HIBADH: variants seen among roughly 807,000 people sequenced by gnomAD.
HIBADH encodes the protein 3-hydroxyisobutyrate dehydrogenase.
In HIBADH, 25 loss-of-function variants were observed where a neutral mutation model predicts 36.1. That is an observed-to-expected ratio of 0.69 (90% CI 0.50 to 0.97). The LOEUF is 0.97. Ranked by LOEUF, HIBADH falls within the 50% of genes least tolerant of loss-of-function variation. The pLI, the probability that HIBADH is intolerant of heterozygous loss-of-function variation, is 0.00. For missense variants in HIBADH, 421 were observed against 418.0 expected (o/e 1.01, Z -0.06); for synonymous variants, 160 against 149.5 (o/e 1.07, Z -0.51).
At chr7:27,618,378 G>A (rs577830802) in intron 4 of HIBADH, among the ~76,000 whole-genome samples, 54 of 152,358 alleles carry the variant, frequency 3.5e-4, no homozygotes, top group Admixed American at 1.5e-3. Flanking sequence ...GTAGCAACAT[G>A]TCTGGGGCTG....
At chr7:27,541,806 A>G (rs1013389766) in intron 5 of HIBADH, 7 of 397,028 alleles carry the variant, frequency 1.8e-5, no homozygotes, top group African/African-American at 1.5e-4. Context: ...AATTTTTACT[A>G]TGATACACAA....
chr7:27,527,924 T>C (rs1421857490), intron 7 of HIBADH, among the ~76,000 whole-genome samples: 1 of 121,062 alleles, frequency 8.3e-6, no homozygotes, highest in Non-Finnish European at 1.7e-5. Context: ...CAGCGTTTTT[T>C]TTTTTTTTTT....
At chr7:27,609,682 G>T (rs1454541169) in intron 4 of HIBADH, among the ~76,000 whole-genome samples, 1 of 152,008 alleles carries the variant, frequency 6.6e-6, no homozygotes, top group African/African-American at 2.4e-5. Flanking sequence ...TCAGACCAAG[G>T]AAAGTCTTAT....
chr7:27,569,312 A>G (rs1220541814), intron 4 of HIBADH, among the ~76,000 whole-genome samples: 1 of 152,096 alleles, frequency 6.6e-6, no homozygotes, highest in African/African-American at 2.4e-5. Context: ...CAGGGTTGGT[A>G]TCTTGTCTCT....
intron 5 of HIBADH, among the ~76,000 whole-genome samples, chr7:27,539,116 A>G (rs1430878127): frequency 1.3e-5 from 2 of 152,122 alleles, no homozygotes; most frequent in African/African-American, 4.8e-5. Context: ...ACACGGTAGG[A>G]AATAGGGATC....
intron 4 of HIBADH, among the ~76,000 whole-genome samples, chr7:27,567,858 C>G (rs548651504): frequency 8.0e-4 from 121 of 152,052 alleles, no homozygotes; most frequent in Non-Finnish European, 2.9e-4. Flanking sequence ...ACTTAGTTTG[C>G]CTTACGATTT....
chr7:27,534,400 C>G (rs1784043750), intron 6 of HIBADH, among the ~76,000 whole-genome samples: 1 of 152,114 alleles, frequency 6.6e-6, no homozygotes, highest in Non-Finnish European at 1.5e-5. Flanking sequence ...TTACTCAGAT[C>G]TGCTATATCC....
intron 4 of HIBADH, among the ~76,000 whole-genome samples, chr7:27,574,500 G>C (rs1784678679): frequency 6.6e-6 from 1 of 151,526 alleles, no homozygotes; most frequent in Admixed American, 6.6e-5. Context: ...CTCCAAACAG[G>C]TAACTCTTTA....
chr7:27,631,802 T>C (rs1336647156), intron 3 of HIBADH, among the ~76,000 whole-genome samples: 1 of 152,206 alleles, frequency 6.6e-6, no homozygotes, highest in Non-Finnish European at 1.5e-5. Context: ...CAAGGTCTGA[T>C]TTTTCACAAA....
intron 6 of HIBADH, among the ~76,000 whole-genome samples, chr7:27,532,583 G>T (rs1245219956): frequency 6.6e-6 from 1 of 152,196 alleles, no homozygotes; most frequent in African/African-American, 2.4e-5. Context: ...ATGTAATCAG[G>T]CTTTCAAGGG....
intron 4 of HIBADH, among the ~76,000 whole-genome samples, chr7:27,547,282 C>T (rs896255638): frequency 6.6e-6 from 1 of 152,186 alleles, no homozygotes; most frequent in Non-Finnish European, 1.5e-5. Flanking sequence ...TAGTTTAGTT[C>T]ATTCAGGCCT....
chr7:27,573,087 AG>A lies in HIBADH; in HGVS notation c.485-29988del, dbSNP rs1440619946. On this transcript the variant is annotated intron_variant, in intron 4 of 7. Coordinates refer to ENST00000265395, the MANE Select transcript of HIBADH (RefSeq NM_152740.4). ...AATTCTGTGTAAAGTGATCTGCAAA[AG>A]CAAACGCATAAAGGCGAAAAAAGTA... Among the ~76,000 whole-genome samples, 3 of 152,230 alleles carry A rather than the reference AG, an allele frequency of 2.0e-5. No individual in the cohort carries two copies. The East Asian group carries it at 5.8e-4, about 29-fold the overall frequency.
At chr7:27,620,303 G>C (rs1362236767) in intron 4 of HIBADH, among the ~76,000 whole-genome samples, 1 of 152,108 alleles carries the variant, frequency 6.6e-6, no homozygotes, top group Non-Finnish European at 1.5e-5. Context: ...CTGGGCAACA[G>C]ACTGAGACCT....
At chr7:27,544,634 A>G (rs1184937159) in intron 4 of HIBADH, among the ~76,000 whole-genome samples, 1 of 152,224 alleles carries the variant, frequency 6.6e-6, no homozygotes, top group Admixed American at 6.5e-5. Flanking sequence ...TAAACCATAT[A>G]ACCACCATTC....
At chr7:27,563,095 G>A (rs539252949) in intron 4 of HIBADH, among the ~76,000 whole-genome samples, 3 of 152,208 alleles carry the variant, frequency 2.0e-5, no homozygotes, top group African/African-American at 7.2e-5. Context: ...TCCAACTCCT[G>A]ATCCTACTAT....
chr7:27,528,314 C>T (rs770939747), intron 7 of HIBADH, among the ~76,000 whole-genome samples: 25 of 152,044 alleles, frequency 1.6e-4, no homozygotes, highest in Non-Finnish European at 3.2e-4. Context: ...CTGTCTCACA[C>T]TTTAAATCAA....
intron 1 of HIBADH, among the ~76,000 whole-genome samples, chr7:27,652,744 T>C (rs1176499385): frequency 1.3e-5 from 2 of 152,100 alleles, no homozygotes; most frequent in African/African-American, 4.8e-5. Context: ...TGTCTCTCTG[T>C]ACAACAGCAC....
chr7:27,547,751 TATG>T (rs1784255017), intron 4 of HIBADH, among the ~76,000 whole-genome samples: 1 of 152,192 alleles, frequency 6.6e-6, no homozygotes. Context: ...TTTGAAATTC[TATG>T]ATAATTTTGG....
At chr7:27,531,411 T>C (rs1012856678) in intron 6 of HIBADH, 63 bp from the exon 7 acceptor site, 57 of 1,420,446 alleles carry the variant, frequency 4.0e-5, no homozygotes, top group Non-Finnish European at 5.2e-5. Flanking sequence ...CGTGACTTAT[T>C]TATGTATGGG....
Sources: allele counts gnomAD v4.1 joint callset (sites outside exome capture counted in the v4.1 genomes callset), GRCh38; gene constraint gnomAD v4.1.1; transcripts MANE v1.5; gene names NCBI Gene and HGNC (gene_info 2026-07-23, HGNC 2026-07-21).